Variants in SPEN observed in about 807,000 individuals in gnomAD.
The protein encoded by SPEN is msx2-interacting protein.
In SPEN, 18 loss-of-function variants were observed where a neutral mutation model predicts 269.9. The ratio of observed to expected loss-of-function variants is 0.07; its 90% CI spans 0.05 to 0.10. The LOEUF (loss-of-function observed/expected upper bound fraction) is 0.10. Ranked by LOEUF, SPEN falls within the 10% of genes least tolerant of loss-of-function variation. The pLI is 1.00. For missense variants in SPEN, 3,822 were observed against 4,631.2 expected (o/e 0.83, Z 5.07); for synonymous variants, 1,726 against 1,765.7 (o/e 0.98, Z 0.56).
chr1:15,881,538 T>G (rs1391398234), intron 3 of SPEN, among the ~76,000 whole-genome samples: 1 of 152,222 alleles, frequency 6.6e-6, no homozygotes, highest in African/African-American at 2.4e-5. Flanking sequence ...TCACAGAACC[T>G]AGTATATTGC....
rs779704335 is a variant in SPEN, at chr1:15,929,562, C to T, written c.3322C>T (p.Pro1108Ser). 1 of 1,613,986 alleles carries T rather than the reference C, an allele frequency of 6.2e-7. No homozygotes were observed. ...AGAAGTCCAATCAAAAAAGCCCATT[C>T]CCTCAAAACCACAGCTCAAACAGCT... Reference protein sequence around the residue: ...NQEVQSKKPIPSKPQLKQLQV... With the variant: ...NQEVQSKKPISSKPQLKQLQV... The change falls in exon 11 of 15, where the codon CCC (proline) becomes TCC (serine). Residue 1108 changes from proline to serine, a missense_variant. Pro to Ser is a moderately conservative substitution (Grantham distance 74, BLOSUM62 -1). Around this residue, in one of 16 missense-constraint regions of SPEN, gnomAD observed 572 missense variants for 582.6 expected, o/e 0.98. Coordinates refer to ENST00000375759, the MANE Select transcript of SPEN (RefSeq NM_015001.3). The surrounding 1 kb of genome is among the most constrained non-coding windows in gnomAD (Gnocchi z 5.8).
Position 15,848,061 on chromosome 1 carries a change from GC to G in SPEN, c.-4del. The G allele has an allele frequency of 2.1e-6, 3 of 1,442,594 alleles. No homozygotes were observed. The highest frequency in any genetic ancestry group is 2.8e-6 in the Non-Finnish European group (3 of 1,083,068). 89.4% of individuals were successfully genotyped at this position (1,442,594 alleles called of 1,614,324 possible). A position where few individuals can be genotyped will look rare whatever the true frequency, so the allele number is the denominator to read the frequency against. ...CAGCAGCGGCGGTCGCCGGCACGCC[GC>G]CCAGCATGGTCCGGGAAACCAGGCA... On this transcript the variant is annotated 5_prime_UTR_variant, in exon 1 of 15. Coordinates refer to ENST00000375759, the MANE Select transcript of SPEN (RefSeq NM_015001.3). The surrounding 1 kb of genome is among the most constrained non-coding windows in gnomAD (Gnocchi z 5.1).
intron 13 of SPEN, 41 bp from the exon 14 acceptor site, chr1:15,938,677 C>G (rs2071305057): frequency 6.4e-7 from 1 of 1,552,242 alleles, no homozygotes; most frequent in East Asian, 2.4e-5. Context: ...TGCTGTTTGA[C>G]TAGGAGGCCC....
intron 3 of SPEN, among the ~76,000 whole-genome samples, chr1:15,877,760 T>TTTA: frequency 6.8e-6 from 1 of 147,430 alleles, no homozygotes; most frequent in Non-Finnish European, 1.5e-5. Flanking sequence ...TTTTTTTTTT[T>TTTA]TGAGATGGAG....
At position 15,873,092 on chromosome 1, in the gene SPEN, G is replaced by A. The variant is rs371442660; in HGVS notation, c.360G>A (p.Pro120=). Residue 120 remains proline (P), a synonymous_variant, in exon 2 of 15, where the codon CCG becomes CCA. Transcript: ENST00000375759. ...GGGGPAYGPP[P]SLHAREGRYE... The stretch of plus-strand genomic sequence containing the variant: ...GAGGGCCTGCTTATGGTCCCCCACC[G>A]TCACTTCATGCACGAGAAGGACGTT... 2.6e-5 allele frequency: 42 copies of A among 1,614,012 alleles called. No homozygotes were observed. The highest frequency in any genetic ancestry group is 1.7e-4 in the Middle Eastern group (1 of 6,060).
rs753750155 is a variant in SPEN at position 15,926,390 on chromosome 1, C to CAT, written c.1851-1700_1851-1699insTA. 2.0e-5 allele frequency among the ~76,000 whole-genome samples: 3 copies of CAT among 150,938 alleles called. No homozygotes were observed. The South Asian group carries it at 6.3e-4, about 32-fold the overall frequency. On this transcript the variant is annotated intron_variant, in intron 10 of 14. Transcript: ENST00000375759. ...TCCAGCTCAGATATATACATACACA[C>CAT]ACACACACACACACACACACACATT... is the stretch of plus-strand genomic sequence containing the variant.
intron 1 of SPEN, among the ~76,000 whole-genome samples, chr1:15,854,666 T>G (rs1280491470): frequency 6.6e-6 from 1 of 152,040 alleles, no homozygotes; most frequent in Non-Finnish European, 1.5e-5. Context: ...GTGTTTTTAG[T>G]AGAGACGGGG....
intron 9 of SPEN, among the ~76,000 whole-genome samples, chr1:15,921,554 C>G (rs1229810265): frequency 6.6e-6 from 1 of 152,176 alleles, no homozygotes; most frequent in Non-Finnish European, 1.5e-5. Flanking sequence ...GGTGCTGATG[C>G]TCACACAGAC....
chr1:15,879,621 A>G (rs1322668380), intron 3 of SPEN, among the ~76,000 whole-genome samples: 1 of 152,086 alleles, frequency 6.6e-6, no homozygotes, highest in South Asian at 2.1e-4. Context: ...ATTCATTTAT[A>G]TACCAAAGGC....
At chr1:15,853,536 C>G (rs770761617) in intron 1 of SPEN, among the ~76,000 whole-genome samples, 11 of 151,998 alleles carry the variant, frequency 7.2e-5, no homozygotes, top group Admixed American at 1.3e-4. Context: ...CTCTGTCACC[C>G]AGGCTGGAGT....
chr1:15,855,984 C>A (rs1285664625), intron 1 of SPEN, among the ~76,000 whole-genome samples: 1 of 129,036 alleles, frequency 7.7e-6, no homozygotes. Flanking sequence ...GAAAAGGATG[C>A]TAGAACTTTT....
chr1:15,876,347 T>A lies in SPEN; in HGVS notation c.550T>A (p.Tyr184Asn). Residue 184 changes from tyrosine to asparagine, a missense_variant, in exon 3 of 15, where the codon TAC becomes AAC. Physicochemically the swap from Tyr to Asn is moderately radical, Grantham distance 143. This residue lies in a region of SPEN where 327 missense variants were observed against 350.8 expected (regional missense o/e 0.93). Coordinates refer to ENST00000375759, the MANE Select transcript of SPEN (RefSeq NM_015001.3). Reference protein sequence around the residue: ...RERTLQHGLYYASRSRSPNRF... With the variant: ...RERTLQHGLYNASRSRSPNRF... Reference sequence around the variant, plus strand: ...GCGGACTTTACAACATGGGCTCTATTACGCTTCTCGGAGTCGAAGTCCAAA... The same window carrying A: ...GCGGACTTTACAACATGGGCTCTATAACGCTTCTCGGAGTCGAAGTCCAAA... 1 of 1,614,026 alleles carries A rather than the reference T, an allele frequency of 6.2e-7. No homozygotes were observed. The highest frequency in any genetic ancestry group is 1.3e-5 in the African/African-American group (1 of 74,986).
intron 10 of SPEN, among the ~76,000 whole-genome samples, chr1:15,923,495 G>A (rs1342060075): frequency 6.6e-6 from 1 of 152,174 alleles, no homozygotes; most frequent in African/African-American, 2.4e-5. Context: ...TTCAAAGTAT[G>A]AAAAGGGCTC....
At chr1:15,888,132 G>A (rs190654518) in intron 3 of SPEN, among the ~76,000 whole-genome samples, 76 of 148,782 alleles carry the variant, frequency 5.1e-4, no homozygotes, top group African/African-American at 1.8e-3. Flanking sequence ...TTTTTGAGAC[G>A]GGGTCTCACT....
chr1:15,919,350 A>T, intron 7 of SPEN, 54 bp from the exon 8 acceptor site: 1 of 1,124,542 alleles, frequency 8.9e-7, no homozygotes, highest in Non-Finnish European at 1.3e-6. Context: ...ATTCTGTTGT[A>T]GTTGAATAGT....
chr1:15,855,961 T>A (rs1172315977), intron 1 of SPEN, among the ~76,000 whole-genome samples: 1 of 150,892 alleles, frequency 6.6e-6, no homozygotes, highest in East Asian at 1.9e-4. Flanking sequence ...AGTAATTTAT[T>A]ACTTTATTGT....
Position 15,931,655 on chromosome 1 carries a change from A to G in SPEN, c.5415A>G (p.Leu1805=). 1 of 1,614,234 alleles carries G rather than the reference A, an allele frequency of 6.2e-7. No homozygotes were observed. The highest frequency in any genetic ancestry group is 8.5e-7 in the Non-Finnish European group (1 of 1,180,048). ...PESQPPASED[L]EVDPPVAAKD... ...CTCAGCCCCCAGCTTCTGAAGATTT[A>G]GAGGTTGATCCTCCAGTTGCTGCAA... The change falls in exon 11 of 15, where the codon TTA becomes TTG. Residue 1805 remains leucine, a synonymous_variant. Transcript: ENST00000375759. This position sits in a 1 kb window ranked among gnomAD's most constrained non-coding sequence, Gnocchi z 4.8.
intron 1 of SPEN, among the ~76,000 whole-genome samples, chr1:15,871,123 C>T (rs2070568615): frequency 6.6e-6 from 1 of 152,072 alleles, no homozygotes; most frequent in African/African-American, 2.4e-5. Flanking sequence ...CGTGTGCCAC[C>T]ACACCTTGCT....
rs768140776 is a variant in SPEN, at chr1:15,931,561, C to T, written c.5321C>T (p.Ala1774Val). 2.5e-6 allele frequency: 4 copies of T among 1,614,176 alleles called. No homozygotes were observed. Among genetic ancestry groups the T allele is most frequent in the South Asian group, 1.1e-5 (1 of 91,084 alleles). ...TCTGAGGAAGCCAATGAGCCAAAGG[C>T]CGAAAAGCCAGACGCCACTGCAGAT... Reference protein sequence around the residue: ...QKSEEANEPKAEKPDATADAE... With the variant: ...QKSEEANEPKVEKPDATADAE... The change falls in exon 11 of 15, where the codon GCC (alanine) becomes GTC (valine). Residue 1774 changes from alanine (A) to valine (V), a missense_variant. Ala to Val is a moderately conservative substitution (Grantham distance 64, BLOSUM62 0). Coordinates refer to ENST00000375759, the MANE Select transcript of SPEN (RefSeq NM_015001.3). This position sits in a 1 kb window ranked among gnomAD's most constrained non-coding sequence, Gnocchi z 4.8.
Sources: allele counts gnomAD v4.1 joint callset (sites outside exome capture counted in the v4.1 genomes callset), GRCh38; gene constraint gnomAD v4.1.1; regional missense constraint gnomAD v4.1.1; non-coding constraint Gnocchi (gnomAD v3.1); transcripts MANE v1.5; gene names NCBI Gene and HGNC (gene_info 2026-07-23, HGNC 2026-07-21).